Variants in ACSL3 observed in about 807,000 individuals in gnomAD.
ACSL3 encodes the protein acyl-CoA synthetase long chain family member 3, also known as fatty acid CoA ligase Acsl3.
ACSL3 carries 34 observed loss-of-function variants against 84.7 expected under a neutral mutation model. The ratio of observed to expected loss-of-function variants is 0.40; its 90% CI spans 0.31 to 0.53. The LOEUF (loss-of-function observed/expected upper bound fraction) is 0.53, where lower values mean the gene tolerates loss of function less well. Among genes scored for constraint, ACSL3 ranks in the 20% least tolerant of loss-of-function variants. The pLI is 0.48. For synonymous variants in ACSL3, 315 were observed against 299.4 expected (o/e 1.05, Z -0.54); for missense variants, 680 against 873.1 (o/e 0.78, Z 2.79).
At chr2:222,927,302 A>G (rs920479624) in intron 12 of ACSL3, 113 bp downstream of exon 12, 1 of 1,032,222 alleles carries the variant, frequency 9.7e-7, no homozygotes, top group Non-Finnish European at 1.4e-6. Flanking sequence ...GTGAGGCAGA[A>G]TAATGGTGGA....
chr2:222,866,815 C>T (rs1695159348), intron 1 of ACSL3, among the ~76,000 whole-genome samples: 1 of 118,252 alleles, frequency 8.5e-6, no homozygotes, highest in African/African-American at 3.2e-5. Context: ...GAGAATTTAA[C>T]TAGAATTTTC....
At chr2:222,913,669 C>A (rs140746819) in intron 4 of ACSL3, among the ~76,000 whole-genome samples, 1 of 152,148 alleles carries the variant, frequency 6.6e-6, no homozygotes, top group African/African-American at 2.4e-5. Context: ...GGCCACCTTA[C>A]TCACCTGCTT....
intron 4 of ACSL3, 109 bp downstream of exon 4, chr2:222,909,259 G>A: frequency 8.8e-7 from 1 of 1,133,646 alleles, no homozygotes; most frequent in South Asian, 1.5e-5. Context: ...TGTTGAAGGA[G>A]AAGCAGTGTA....
intron 3 of ACSL3, among the ~76,000 whole-genome samples, chr2:222,908,528 G>C (rs1696355499): frequency 6.6e-6 from 1 of 152,130 alleles, no homozygotes; most frequent in Non-Finnish European, 1.5e-5. Context: ...CCTGTTTACA[G>C]TATGATGTGG....
intron 4 of ACSL3, among the ~76,000 whole-genome samples, chr2:222,911,413 G>A (rs1055585076): frequency 2.0e-5 from 3 of 152,080 alleles, no homozygotes; most frequent in African/African-American, 7.2e-5. Flanking sequence ...GTTATGAGAA[G>A]GTACTGAAAA....
chr2:222,917,406 T>C (rs766383325), intron 5 of ACSL3: 1 of 152,222 alleles, frequency 6.6e-6, no homozygotes, highest in African/African-American at 2.4e-5. Flanking sequence ...CCTTTTCTTT[T>C]AAACAAACAT....
In ACSL3 at chr2:222,874,742, A is replaced by G. The variant is rs558935696; in HGVS notation, c.-206-13088A>G. On this transcript the variant is annotated intron_variant, in intron 1 of 16. Coordinates refer to ENST00000357430, the MANE Select transcript of ACSL3 (RefSeq NM_004457.5). ...ACCAGTCTTAATCTAGACCTGATTT[A>G]AATAAAAAGCAATAATTTTGCTTAT... 7.2e-5 allele frequency among the ~76,000 whole-genome samples: 11 copies of G among 152,322 alleles called. No individual in the cohort carries two copies. The East Asian group carries it at 2.1e-3, about 29-fold the overall frequency.
chr2:222,915,298 C>T (rs551964219), intron 4 of ACSL3, among the ~76,000 whole-genome samples: 3 of 149,640 alleles, frequency 2.0e-5, no homozygotes, highest in African/African-American at 7.3e-5. Context: ...TTGCTTTATC[C>T]ATCAAAATAA....
intron 7 of ACSL3, among the ~76,000 whole-genome samples, chr2:222,920,205 G>A (rs937011141): frequency 1.3e-5 from 2 of 152,170 alleles, no homozygotes; most frequent in African/African-American, 2.4e-5. Flanking sequence ...TGATTTGGAA[G>A]TAAAGACTTC....
chr2:222,861,944 G>C (rs1433920172), intron 1 of ACSL3, among the ~76,000 whole-genome samples: 1 of 152,118 alleles, frequency 6.6e-6, no homozygotes, highest in African/African-American at 2.4e-5. Flanking sequence ...TATCAGGCTC[G>C]TTTCACAGAT....
intron 5 of ACSL3, chr2:222,917,569 A>T (rs6436360): frequency 0.91 from 138,916 of 152,368 alleles, 63,443 homozygotes; most frequent in East Asian, 0.98. Context: ...TCAGCATTTC[A>T]GAGAATGTTT....
chr2:222,941,220 A>G (rs912199833), intron 16 of ACSL3, among the ~76,000 whole-genome samples: 2 of 152,166 alleles, frequency 1.3e-5, no homozygotes, highest in Non-Finnish European at 2.9e-5. Flanking sequence ...ATGAGCCATC[A>G]TGCCTGGCTC....
chr2:222,923,423 A>T (rs1277864966), intron 10 of ACSL3, among the ~76,000 whole-genome samples: 1 of 152,230 alleles, frequency 6.6e-6, no homozygotes, highest in East Asian at 1.9e-4. Context: ...AATTATTTTC[A>T]TGATATCTGT....
chr2:222,916,297 A>C lies in ACSL3; in HGVS notation c.379-22A>C. 2 of 1,418,250 alleles carry C rather than the reference A, an allele frequency of 1.4e-6. 1 individual carries two copies. Among genetic ancestry groups the C allele is most frequent in the South Asian group, 3.5e-5 (2 of 57,960 alleles). 87.9% of individuals were successfully genotyped at this position (1,418,250 alleles called of 1,614,324 possible). A position where few individuals can be genotyped will look rare whatever the true frequency, so the allele number is the denominator to read the frequency against. On this transcript the variant is annotated intron_variant, in intron 4 of 16. Transcript: ENST00000357430. ...AATTATTATTTTGATTACATTAAAA[A>C]AATTTTTTTTTGTTTTATCAGGTTA...
intron 1 of ACSL3, among the ~76,000 whole-genome samples, chr2:222,865,037 AGT>A (rs1488911987): frequency 6.6e-6 from 1 of 152,190 alleles, no homozygotes; most frequent in Non-Finnish European, 1.5e-5. Flanking sequence ...CCCTCAATAG[AGT>A]ATATATTTTC....
chr2:222,889,608 T>G lies in ACSL3; in HGVS notation c.-148+1720T>G, dbSNP rs143135828. On this transcript the variant is annotated intron_variant, in intron 2 of 16. Transcript: ENST00000357430. ...GAAACATTTTAAACTTCTTAAGAAA[T>G]GTAGCGAAGCAAATTTGGATTTGTA... Among the ~76,000 whole-genome samples, 128 of 152,294 alleles carry G rather than the reference T, an allele frequency of 8.4e-4. 1 individual carries two copies. The highest frequency in any genetic ancestry group is 1.5e-3 in the Non-Finnish European group (101 of 68,016).
At chr2:222,882,252 A>C (rs570674324) in intron 1 of ACSL3, among the ~76,000 whole-genome samples, 1 of 152,204 alleles carries the variant, frequency 6.6e-6, no homozygotes, top group Non-Finnish European at 1.5e-5. Flanking sequence ...TCTTTATTCT[A>C]CTTGCAATTG....
intron 2 of ACSL3, among the ~76,000 whole-genome samples, chr2:222,895,333 T>A (rs1241499508): frequency 3.3e-5 from 5 of 152,170 alleles, no homozygotes; most frequent in Non-Finnish European, 5.9e-5. Context: ...CCCTCTCTCC[T>A]CCTCCAGAGG....
In ACSL3 at chr2:222,943,460, AAGG is replaced by A. The variant is rs952122442; in HGVS notation, c.*1809_*1811del. 65 of 173,750 alleles carry A rather than the reference AAGG, an allele frequency of 3.7e-4. No individual in the cohort carries two copies. Among genetic ancestry groups the A allele is most frequent in the African/African-American group, 1.4e-3 (59 of 42,256 alleles). 10.8% of individuals were successfully genotyped at this position (173,750 alleles called of 1,614,324 possible). A position where few individuals can be genotyped will look rare whatever the true frequency, so the allele number is the denominator to read the frequency against. On this transcript the variant is annotated 3_prime_UTR_variant, in exon 17 of 17. Transcript: ENST00000357430. Reference sequence around the variant, plus strand: ...TTGTTTGCTTTCAGATGATTAAAAAAAGGAGATTGTATCTAGGAAAAAAGTGTG... The same window carrying A: ...TTGTTTGCTTTCAGATGATTAAAAAAAGATTGTATCTAGGAAAAAAGTGTG...
Sources: allele counts gnomAD v4.1 joint callset (sites outside exome capture counted in the v4.1 genomes callset), GRCh38; gene constraint gnomAD v4.1.1; transcripts MANE v1.5; gene names NCBI Gene and HGNC (gene_info 2026-07-23, HGNC 2026-07-21).